NASP: variants seen among roughly 807,000 people sequenced by gnomAD.
NASP encodes the protein nuclear autoantigenic sperm protein, also known as NASP histone chaperone.
NASP carries 24 observed loss-of-function variants against 89.5 expected under a neutral mutation model. That is an observed-to-expected ratio of 0.27 (90% confidence interval 0.19 to 0.38). The LOEUF is 0.38. NASP is among the 10% of genes least tolerant of loss of function. The pLI is 1.00. For synonymous variants in NASP, 306 were observed against 324.7 expected, an observed-to-expected ratio of 0.94 and a Z score of 0.62; for missense variants, 848 against 921.4, an observed-to-expected ratio of 0.92 and a Z score of 1.03.
At position 45,604,979 on chromosome 1, in the gene NASP, T is replaced by G; in HGVS notation, c.262T>G (p.Phe88Val). ...GACAGCTAATGAGTGTGGAGAAGCC[T>G]TCTTTTTCTATGGGAAATCACTTCT... Reference protein sequence around the residue: ...GETANECGEAFFFYGKSLLEL... With the variant: ...GETANECGEAVFFYGKSLLEL... Residue 88 changes from phenylalanine to valine, a missense_variant, in exon 4 of 15, where the codon TTC (phenylalanine) becomes GTC (valine). Transcript: ENST00000350030. The G allele has an allele frequency of 6.2e-7, 1 of 1,613,262 alleles. No homozygotes were observed. The highest frequency in any genetic ancestry group is 1.1e-5 in the South Asian group (1 of 91,060).
chr1:45,607,127 CT>C, intron 5 of NASP, 193 bp from the exon 6 acceptor site: 2 of 594,890 alleles, frequency 3.4e-6, no homozygotes, highest in Non-Finnish European at 5.9e-6. Flanking sequence ...GCTTGGGTTT[CT>C]TTTGCAGTAA....
intron 2 of NASP, among the ~76,000 whole-genome samples, chr1:45,601,325 G>A (rs886156860): frequency 1.3e-5 from 2 of 152,168 alleles, no homozygotes; most frequent in Admixed American, 6.5e-5. Flanking sequence ...GAAAGCCTAT[G>A]ATCCATTGCA....
rs368674560 is a variant in NASP at position 45,590,405 on chromosome 1, A to G, written c.60-818A>G. 3.5e-3 allele frequency among the ~76,000 whole-genome samples: 528 copies of G among 151,740 alleles called. 7 individuals carry two copies. The East Asian group carries it at 0.035, about 10-fold the overall frequency. On this transcript the variant is annotated intron_variant, in intron 1 of 14. Coordinates refer to ENST00000350030, the MANE Select transcript of NASP (RefSeq NM_002482.4). The stretch of plus-strand genomic sequence containing the variant: ...AAAAATACAAAAAAATTAGCCGGGC[A>G]TGGTGGCCGGTGCACAGGCACCGGC...
chr1:45,614,955 G>C (rs970139483), intron 9 of NASP, 58 bp from the exon 10 acceptor site: 3 of 1,455,626 alleles, frequency 2.1e-6, no homozygotes, highest in Non-Finnish European at 2.8e-6. Context: ...TCTGAATTCT[G>C]GAAGTATTTT....
intron 2 of NASP, chr1:45,600,382 C>T: frequency 7.8e-7 from 1 of 1,282,616 alleles, no homozygotes; most frequent in East Asian, 5.8e-5. Flanking sequence ...ATTCCCTCCC[C>T]AGCAACCATT....
intron 3 of NASP, among the ~76,000 whole-genome samples, chr1:45,602,981 T>C (rs1226933604): frequency 1.3e-5 from 2 of 152,204 alleles, no homozygotes; most frequent in Non-Finnish European, 2.9e-5. Flanking sequence ...GGAAACTCTT[T>C]AGGTCCAAGC....
intron 1 of NASP, among the ~76,000 whole-genome samples, chr1:45,585,374 T>C (rs377195770): frequency 3.3e-5 from 5 of 152,232 alleles, no homozygotes; most frequent in African/African-American, 7.2e-5. Flanking sequence ...GTCATGATTA[T>C]GTCTTTGTTT....
chr1:45,585,629 G>C (rs1016707167), intron 1 of NASP, among the ~76,000 whole-genome samples: 3 of 152,144 alleles, frequency 2.0e-5, no homozygotes, highest in African/African-American at 7.2e-5. Context: ...TTCCTAGACA[G>C]CTCTAGCAGT....
chr1:45,598,545 C>T (rs1570967759), intron 2 of NASP, among the ~76,000 whole-genome samples: 1 of 152,256 alleles, frequency 6.6e-6, no homozygotes, highest in Non-Finnish European at 1.5e-5. Context: ...AGTAGCCACT[C>T]CCTGTGTATT....
rs367565313 is a variant in NASP at position 45,615,846 on chromosome 1, A to G, written c.2022+375A>G. 41 of 202,530 alleles carry G rather than the reference A, an allele frequency of 2.0e-4. No individual in the cohort carries two copies. In the South Asian group the frequency reaches 4.3e-3, roughly 21 times the overall value. The allele number at this position is 202,530 out of a possible 1,614,324, so 12.5% of individuals were successfully genotyped here. ...GGATACCCTTAATCTAAAATCTGAA[A>G]TGCTCCAGAGAGCATTTCCTTTGAG... On this transcript the variant is annotated intron_variant, in intron 11 of 14. Coordinates refer to ENST00000350030, the MANE Select transcript of NASP (RefSeq NM_002482.4).
At chr1:45,616,467 T>G in intron 12 of NASP, 74 bp downstream of exon 12, 1 of 1,550,150 alleles carries the variant, frequency 6.5e-7, no homozygotes, top group Non-Finnish European at 8.9e-7. Context: ...TCCCAGCATT[T>G]TGGGAGGCCA....
intron 6 of NASP, chr1:45,610,320 A>G (rs1643984166): frequency 6.6e-6 from 1 of 152,204 alleles, no homozygotes; most frequent in South Asian, 2.1e-4. Context: ...TTGTAAAGAC[A>G]ATACAGTTTT....
intron 1 of NASP, chr1:45,588,851 A>G: frequency 4.1e-6 from 1 of 244,904 alleles, no homozygotes; most frequent in South Asian, 3.6e-5. Flanking sequence ...CGGGAGGCGG[A>G]GCTTGCAGTG....
At chr1:45,588,234 G>T (rs1385799901) in intron 1 of NASP, among the ~76,000 whole-genome samples, 1 of 152,058 alleles carries the variant, frequency 6.6e-6, no homozygotes, top group African/African-American at 2.4e-5. Flanking sequence ...CTCCCAAGTA[G>T]TTGGGATTAC....
At chr1:45,617,938 A>G in intron 14 of NASP, 123 bp from the exon 15 acceptor site, 1 of 802,792 alleles carries the variant, frequency 1.2e-6, no homozygotes, top group Non-Finnish European at 2.0e-6. Context: ...TGCCCTCTTA[A>G]TATAGGGAGC....
chr1:45,601,854 A>G (rs1047426869), intron 2 of NASP, among the ~76,000 whole-genome samples: 1 of 135,294 alleles, frequency 7.4e-6, no homozygotes, highest in Admixed American at 9.2e-5. Flanking sequence ...TCCTGGGTTC[A>G]TGCCATTCTA....
chr1:45,593,867 A>ATT (rs1031454305), intron 2 of NASP, among the ~76,000 whole-genome samples: 1 of 79,570 alleles, frequency 1.3e-5, no homozygotes, highest in Admixed American at 1.2e-4. Flanking sequence ...AAAAAAAAAA[A>ATT]TTTTTTTTTT....
chr1:45,616,568 G>T, intron 12 of NASP, 58 bp from the exon 13 acceptor site: 5 of 1,563,708 alleles, frequency 3.2e-6, no homozygotes, highest in Non-Finnish European at 4.4e-6. Context: ...AATTATAAAA[G>T]CCTCAGCATT....
At chr1:45,613,115 A>G in intron 6 of NASP, 54 bp from the exon 7 acceptor site, 2 of 1,561,644 alleles carry the variant, frequency 1.3e-6, no homozygotes, top group Non-Finnish European at 1.7e-6. Context: ...ATCTCTGACT[A>G]GTCAGAATAC....
Sources: allele counts gnomAD v4.1 joint callset (sites outside exome capture counted in the v4.1 genomes callset), GRCh38; gene constraint gnomAD v4.1.1; transcripts MANE v1.5; gene names NCBI Gene and HGNC (gene_info 2026-07-23, HGNC 2026-07-21).